The following NFX1 variants were observed in gnomAD, a reference collection of about 807,000 sequenced individuals.
The protein encoded by NFX1 is nuclear transcription factor, X-box binding 1, also known as transcriptional repressor NF-X1.
NFX1 carries 69 observed loss-of-function variants against 137.2 expected under a neutral mutation model. The observed-to-expected ratio is 0.50, with a 90% CI of 0.41 to 0.61. The LOEUF (loss-of-function observed/expected upper bound fraction) is 0.61, where lower values mean the gene tolerates loss of function less well. Ranked by LOEUF, NFX1 falls within the 20% of genes least tolerant of loss-of-function variation. The pLI is 0.00. For synonymous variants in NFX1, 495 were observed against 474.1 expected (o/e 1.04, Z -0.57); for missense variants, 1,167 against 1,391.0 (o/e 0.84, Z 2.56).
rs568847390 is a variant in NFX1 at position 33,349,321 on chromosome 9, GCTCT to G, written c.2424+2206_2424+2209del. Among the ~76,000 whole-genome samples, 6 of 152,300 alleles carry G rather than the reference GCTCT, an allele frequency of 3.9e-5. No homozygotes were observed. In the South Asian group the frequency reaches 1.2e-3, roughly 32 times the overall value. ...ACAGAGGGCTAAGGAGGATGGAAGG[GCTCT>G]CCAGGTGTTCTGGAAAAATTAACAT... is the stretch of plus-strand genomic sequence containing the variant. On this transcript the variant is annotated intron_variant, in intron 15 of 23. Coordinates refer to ENST00000379540, the MANE Select transcript of NFX1 (RefSeq NM_002504.6).
intron 2 of NFX1, among the ~76,000 whole-genome samples, chr9:33,295,713 T>G (rs1205071106): frequency 6.6e-6 from 1 of 152,182 alleles, no homozygotes; most frequent in Non-Finnish European, 1.5e-5. Flanking sequence ...ATACGGGTGG[T>G]GTAGATGTCT....
intron 1 of NFX1, among the ~76,000 whole-genome samples, chr9:33,290,854 C>G (rs1411424732): frequency 1.3e-5 from 2 of 152,246 alleles, no homozygotes; most frequent in Non-Finnish European, 2.9e-5. Context: ...TGTGGGTGCC[C>G]TGCCTTCCCA....
At chr9:33,305,864 T>A (rs1482501138) in intron 4 of NFX1, among the ~76,000 whole-genome samples, 1 of 152,078 alleles carries the variant, frequency 6.6e-6, no homozygotes, top group African/African-American at 2.4e-5. Context: ...GGTAGCAATA[T>A]TTGAGGAAAG....
intron 17 of NFX1, 27 bp downstream of exon 17, chr9:33,352,746 T>A: frequency 6.4e-7 from 1 of 1,574,488 alleles, no homozygotes; most frequent in South Asian, 1.1e-5. Context: ...TGTTAACAAC[T>A]GATGGCCTAG....
At chr9:33,325,314 G>A (rs185336336) in intron 9 of NFX1, among the ~76,000 whole-genome samples, 1 of 152,282 alleles carries the variant, frequency 6.6e-6, no homozygotes, top group Non-Finnish European at 1.5e-5. Context: ...CAGAAACAAT[G>A]GAGAACACAT....
chr9:33,300,424 A>G (rs932011220), intron 2 of NFX1, among the ~76,000 whole-genome samples: 17 of 152,154 alleles, frequency 1.1e-4, no homozygotes, highest in African/African-American at 3.9e-4. Flanking sequence ...TGTTGTATTT[A>G]AGGTTAATTT....
chr9:33,344,568 A>G (rs1390172501), intron 14 of NFX1, among the ~76,000 whole-genome samples: 1 of 152,226 alleles, frequency 6.6e-6, no homozygotes. Flanking sequence ...TATTAAAATT[A>G]AGAAAATAGA....
At chr9:33,338,653 G>C in intron 12 of NFX1, 64 bp downstream of exon 12, 1 of 1,394,238 alleles carries the variant, frequency 7.2e-7, no homozygotes, top group Non-Finnish European at 9.8e-7. Context: ...CTGGAAGCCT[G>C]AGCCATGTGG....
Position 33,338,631 on chromosome 9 carries a change from G to A in NFX1, c.2115+42G>A, listed in dbSNP as rs637628. ...GGCATAATCAGATTCCATTCATCCA[G>A]GTGCTGGGCTTCTGGAAGCCTGAGC... On this transcript the variant is annotated intron_variant, in intron 12 of 23. Transcript: ENST00000379540. The A allele has an allele frequency of 4.7e-3, 7,104 of 1,517,634 alleles. 309 individuals are homozygous for A. In the African/African-American group the frequency reaches 0.089, roughly 19 times the overall value. 94.0% of individuals were successfully genotyped at this position (1,517,634 alleles called of 1,614,324 possible).
In NFX1 at chr9:33,295,390, A is replaced by G; in HGVS notation, c.996A>G (p.Lys332=). Residue 332 remains lysine, a synonymous_variant, in exon 2 of 24, where the codon AAA becomes AAG. Transcript: ENST00000379540. The part of the protein sequence containing the change: ...PQVVSPFSRG[K]QNHVLKNVET... ...TAGTATCTCCTTTCTCCCGAGGCAAACAGAACCATGTGCTAAAGAATGTGG... is the reference window on the plus strand; with the variant it reads ...TAGTATCTCCTTTCTCCCGAGGCAAGCAGAACCATGTGCTAAAGAATGTGG... The G allele has an allele frequency of 6.2e-7, 1 of 1,614,076 alleles. No individual in the cohort carries two copies. Among genetic ancestry groups the G allele is most frequent in the Non-Finnish European group, 8.5e-7 (1 of 1,179,986 alleles).
intron 9 of NFX1, among the ~76,000 whole-genome samples, chr9:33,321,086 CAT>C (rs1300676998): frequency 6.6e-6 from 1 of 152,134 alleles, no homozygotes; most frequent in Non-Finnish European, 1.5e-5. Context: ...TCGGAAAGCA[CAT>C]GAGTCAGTTT....
At chr9:33,329,335 A>G (rs1390522662) in intron 10 of NFX1, among the ~76,000 whole-genome samples, 1 of 152,214 alleles carries the variant, frequency 6.6e-6, no homozygotes, top group Non-Finnish European at 1.5e-5. Context: ...TTGACTGCCC[A>G]TGTGGCTAAT....
chr9:33,299,364 T>C (rs1821470575), intron 2 of NFX1, among the ~76,000 whole-genome samples: 1 of 152,184 alleles, frequency 6.6e-6, no homozygotes, highest in Non-Finnish European at 1.5e-5. Context: ...AAAAGATGTT[T>C]CTGCTCTTGT....
rs1821784111 is a variant in NFX1, at chr9:33,307,195, C to T, written c.1272C>T (p.Gly424=). The T allele has an allele frequency of 2.5e-6, 4 of 1,613,556 alleles. No individual in the cohort carries two copies. Among genetic ancestry groups the T allele is most frequent in the Non-Finnish European group, 2.5e-6 (3 of 1,179,540 alleles). The part of the protein sequence containing the change: ...HVPNTYTCFC[G]KVKNPEWSRN... ...ACTCTCTGATCTGATATGTTCTAGG[C>T]AAGGTAAAGAATCCTGAGTGGAGCA... Residue 424 remains glycine, a splice_region_variant and synonymous_variant, in exon 5 of 24, where the codon GGC becomes GGT. Coordinates refer to ENST00000379540, the MANE Select transcript of NFX1 (RefSeq NM_002504.6).
chr9:33,365,751 A>G (rs1208720369), intron 21 of NFX1: 1 of 152,236 alleles, frequency 6.6e-6, no homozygotes, highest in African/African-American at 2.4e-5. Context: ...AGCCCCTCAG[A>G]TCTTTGAAGG....
At chr9:33,367,387 A>C in intron 22 of NFX1, 128 bp from the exon 23 acceptor site, 3 of 841,666 alleles carry the variant, frequency 3.6e-6, no homozygotes, top group Non-Finnish European at 5.7e-6. Context: ...GTCTGAGAGC[A>C]GACAGTTCAT....
chr9:33,302,393 A>C lies in NFX1; in HGVS notation c.1193-798A>C, dbSNP rs1287087897. Among the ~76,000 whole-genome samples the C allele has an allele frequency of 2.5e-5, 3 of 117,774 alleles. No individual in the cohort carries two copies. The East Asian group carries it at 7.1e-4, about 28-fold the overall frequency. The allele number at this position is 117,774 out of a possible 152,430, so 77.3% of individuals were successfully genotyped here. A position where few individuals can be genotyped will look rare whatever the true frequency, so the allele number is the denominator to read the frequency against. ...TTTTTTTTTTTTGAGACAGAGTCTTACTCTGTTACCCAGGCTGGAGTCCAG... is the reference window on the plus strand; with the variant it reads ...TTTTTTTTTTTTGAGACAGAGTCTTCCTCTGTTACCCAGGCTGGAGTCCAG... On this transcript the variant is annotated intron_variant, in intron 3 of 23. Transcript: ENST00000379540.
chr9:33,333,144 C>T (rs1587850406), intron 11 of NFX1, among the ~76,000 whole-genome samples: 1 of 152,188 alleles, frequency 6.6e-6, no homozygotes. Context: ...CCACACCGGC[C>T]TCGATTCCTG....
At chr9:33,337,115 A>C (rs1307926297) in intron 11 of NFX1, among the ~76,000 whole-genome samples, 1 of 152,124 alleles carries the variant, frequency 6.6e-6, no homozygotes, top group Non-Finnish European at 1.5e-5. Flanking sequence ...GGGCTCGAGC[A>C]ATCCTCCTGC....
Sources: allele counts gnomAD v4.1 joint callset (sites outside exome capture counted in the v4.1 genomes callset), GRCh38; gene constraint gnomAD v4.1.1; transcripts MANE v1.5; gene names NCBI Gene and HGNC (gene_info 2026-07-23, HGNC 2026-07-21).